Variants in CLIC4 observed in about 807,000 individuals in gnomAD.
The protein encoded by CLIC4 is CLIC family member 4, also known as chloride intracellular channel protein 4.
A neutral mutation model predicts 24.6 loss-of-function variants in CLIC4; 13 were observed. The ratio of observed to expected loss-of-function variants is 0.53; its 90% CI spans 0.34 to 0.84. The LOEUF is 0.84. CLIC4 is among the 40% of genes least tolerant of loss of function. The pLI, the probability that CLIC4 is intolerant of heterozygous loss-of-function variation, is 0.01. For missense variants in CLIC4, 227 were observed against 301.7 expected, an observed-to-expected ratio of 0.75 and a Z score of 1.83; for synonymous variants, 104 against 111.3, an observed-to-expected ratio of 0.93 and a Z score of 0.41.
intron 1 of CLIC4, among the ~76,000 whole-genome samples, chr1:24,794,822 T>C (rs2124128377): frequency 6.6e-6 from 1 of 152,352 alleles, no homozygotes; most frequent in South Asian, 2.1e-4. Flanking sequence ...TTTTATAGTT[T>C]TGGGTTTTAC....
chr1:24,753,286 G>C (rs559586045), intron 1 of CLIC4, among the ~76,000 whole-genome samples: 1 of 152,312 alleles, frequency 6.6e-6, no homozygotes, highest in South Asian at 2.1e-4. Flanking sequence ...CTTAAAGAAT[G>C]TACCGGCATG....
rs1638856079 is a variant in CLIC4, at chr1:24,756,710, G to C, written c.72+11085G>C. On this transcript the variant is annotated intron_variant, in intron 1 of 5. Coordinates refer to ENST00000374379, the MANE Select transcript of CLIC4 (RefSeq NM_013943.3). ...TACAAAACCAAACAATCAGATGAAA[G>C]CTGAGGTAATTAAGAACTTTTTTTT... Among the ~76,000 whole-genome samples the C allele has an allele frequency of 2.0e-5, 3 of 152,220 alleles. No individual in the cohort carries two copies. The South Asian group carries it at 6.2e-4, about 32-fold the overall frequency.
chr1:24,812,083 C>T (rs561673412), intron 2 of CLIC4, among the ~76,000 whole-genome samples: 1 of 152,240 alleles, frequency 6.6e-6, no homozygotes, highest in South Asian at 2.1e-4. Context: ...TGCTATTTTA[C>T]ATTTTTCTGT....
chr1:24,801,184 CTATT>C (rs1479601156), intron 2 of CLIC4, among the ~76,000 whole-genome samples: 1 of 151,988 alleles, frequency 6.6e-6, no homozygotes, highest in East Asian at 1.9e-4. Context: ...ATTTTTAAAA[CTATT>C]AGTCTGTTCT....
At chr1:24,828,719 T>A (rs1463551535) in intron 4 of CLIC4, among the ~76,000 whole-genome samples, 2 of 152,034 alleles carry the variant, frequency 1.3e-5, no homozygotes, top group Non-Finnish European at 2.9e-5. Flanking sequence ...AATAAAAAGG[T>A]TAGAAAGTGA....
At chr1:24,748,499 G>GTTTTTTTTTTTT (rs869153638) in intron 1 of CLIC4, among the ~76,000 whole-genome samples, 6 of 80,596 alleles carry the variant, frequency 7.4e-5, no homozygotes, top group East Asian at 4.1e-4. Context: ...CAGGTTTTTT[G>GTTTTTTTTTTTT]TTTTTTTTTT....
intron 1 of CLIC4, among the ~76,000 whole-genome samples, 195 bp downstream of exon 1, chr1:24,745,820 C>T (rs978391735): frequency 5.3e-5 from 8 of 151,602 alleles, no homozygotes; most frequent in Non-Finnish European, 8.8e-5. Context: ...TCGAGGGGTC[C>T]GGGTTGGGGA....
intron 1 of CLIC4, among the ~76,000 whole-genome samples, chr1:24,785,027 A>T (rs949523550): frequency 6.6e-6 from 1 of 151,208 alleles, no homozygotes; most frequent in African/African-American, 2.4e-5. Context: ...AAGAAAAAAG[A>T]AAAAGAATAT....
chr1:24,839,710 G>A (rs1023628440), intron 4 of CLIC4, 150 bp from the exon 5 acceptor site: 8 of 629,940 alleles, frequency 1.3e-5, no homozygotes, highest in Admixed American at 3.0e-5. Flanking sequence ...AGCTCTAGGA[G>A]AGCAGGAGCC....
At chr1:24,762,430 CAA>C (rs1638939605) in intron 1 of CLIC4, among the ~76,000 whole-genome samples, 1 of 151,960 alleles carries the variant, frequency 6.6e-6, no homozygotes, top group Non-Finnish European at 1.5e-5. Flanking sequence ...AAGAAAAAAA[CAA>C]GTGTATGAGA....
At chr1:24,780,514 TTGCA>T (rs888887008) in intron 1 of CLIC4, among the ~76,000 whole-genome samples, 19 of 152,246 alleles carry the variant, frequency 1.2e-4, no homozygotes, top group Non-Finnish European at 2.9e-5. Context: ...CACTGGCTCT[TTGCA>T]TGGCTGTTTC....
intron 2 of CLIC4, among the ~76,000 whole-genome samples, chr1:24,811,412 A>G (rs779991341): frequency 1.3e-5 from 2 of 152,200 alleles, no homozygotes; most frequent in Admixed American, 6.5e-5. Flanking sequence ...TCACCTGGTG[A>G]AAGGGTCTCC....
At position 24,780,915 on chromosome 1, in the gene CLIC4, C is replaced by A. The variant is rs536127773; in HGVS notation, c.73-16827C>A. Among the ~76,000 whole-genome samples the A allele has an allele frequency of 5.3e-5, 8 of 151,404 alleles. No homozygotes were observed. The South Asian group carries it at 1.7e-3, about 32-fold the overall frequency. On this transcript the variant is annotated intron_variant, in intron 1 of 5. Coordinates refer to ENST00000374379, the MANE Select transcript of CLIC4 (RefSeq NM_013943.3). ...ACAACCTGACCAACATGGAGAAGCC[C>A]TGTCTCTACTAAAAATACAAAACTA...
intron 1 of CLIC4, among the ~76,000 whole-genome samples, chr1:24,756,699 A>G (rs1160039819): frequency 6.6e-6 from 1 of 152,118 alleles, no homozygotes; most frequent in African/African-American, 2.4e-5. Context: ...AAACCAAACA[A>G]TCAGATGAAA....
Position 24,820,079 on chromosome 1 carries a change from GTATATATA to G in CLIC4, c.308+5871_308+5878del, listed in dbSNP as rs779189334. Among the ~76,000 whole-genome samples, 7 of 46,336 alleles carry G rather than the reference GTATATATA, an allele frequency of 1.5e-4. 1 individual carries two copies. The Admixed American group carries it at 1.7e-3, about 12-fold the overall frequency. The allele number at this position is 46,336 out of a possible 152,430, so 30.4% of individuals were successfully genotyped here. A position where few individuals can be genotyped will look rare whatever the true frequency, so the allele number is the denominator to read the frequency against. ...AAAAAAAAAGTATGTATATATATAT[GTATATATA>G]TATATATATAGACAGTATCTTGTAC... On this transcript the variant is annotated intron_variant, in intron 3 of 5. Coordinates refer to ENST00000374379, the MANE Select transcript of CLIC4 (RefSeq NM_013943.3).
chr1:24,794,256 G>T (rs1639371607), intron 1 of CLIC4, among the ~76,000 whole-genome samples: 2 of 152,014 alleles, frequency 1.3e-5, no homozygotes, highest in Admixed American at 6.6e-5. Flanking sequence ...GCTCTTTGAG[G>T]AATTGCCACA....
intron 1 of CLIC4, among the ~76,000 whole-genome samples, chr1:24,748,938 T>C (rs1422138480): frequency 1.3e-5 from 2 of 152,086 alleles, no homozygotes; most frequent in African/African-American, 4.8e-5. Flanking sequence ...TTGAAAGCAG[T>C]GGACCAGGTG....
At chr1:24,817,959 A>C (rs1245387250) in intron 3 of CLIC4, among the ~76,000 whole-genome samples, 1 of 152,208 alleles carries the variant, frequency 6.6e-6, no homozygotes, top group African/African-American at 2.4e-5. Context: ...TTAATCAGTT[A>C]AGTGTGCTGT....
chr1:24,772,014 T>G (rs1639076865), intron 1 of CLIC4, among the ~76,000 whole-genome samples: 1 of 152,180 alleles, frequency 6.6e-6, no homozygotes, highest in Non-Finnish European at 1.5e-5. Flanking sequence ...CAACGTCAGA[T>G]CCAGAGAATT....
Sources: gnomAD v4.1 joint callset for allele counts (sites outside exome capture counted in the v4.1 genomes callset) on GRCh38, gnomAD v4.1.1 for gene constraint, MANE v1.5 for transcripts, NCBI Gene and HGNC (gene_info 2026-07-23, HGNC 2026-07-21) for gene names.